STK38: variants seen among roughly 807,000 people sequenced by gnomAD.
STK38 encodes the protein serine/threonine kinase 38.
Under a neutral mutation model 59.0 loss-of-function variants are expected in STK38, and 26 were observed. The ratio of observed to expected loss-of-function variants is 0.44; its 90% CI spans 0.32 to 0.61. The LOEUF is 0.61. Ranked by LOEUF, STK38 falls within the 20% of genes least tolerant of loss-of-function variation. The probability of loss-of-function intolerance (pLI) is 0.04; values close to 1 mark genes in which losing one functional copy is unlikely to be tolerated. For missense variants in STK38, 433 were observed against 566.0 expected (o/e 0.76, Z 2.38); for synonymous variants, 175 against 176.6 (o/e 0.99, Z 0.07).
At chr6:36,502,764 T>C (rs950074524) in intron 9 of STK38, among the ~76,000 whole-genome samples, 1 of 152,240 alleles carries the variant, frequency 6.6e-6, no homozygotes, top group Non-Finnish European at 1.5e-5. Context: ...CTATGCTGAA[T>C]TTCGTGTTTT....
chr6:36,508,698 G>A lies in STK38; in HGVS notation c.670-1096C>T, dbSNP rs572442119. Among the ~76,000 whole-genome samples, 75 of 152,340 alleles carry A rather than the reference G, an allele frequency of 4.9e-4. 2 individuals are homozygous for A. In the South Asian group the frequency reaches 0.013, roughly 27 times the overall value. Reference sequence around the variant, plus strand: ...AGCCTGGCAGGCTTGTGCTACCAGCGCGGATCCCAAGCCTGCCAAGGGCAA... The same window carrying A: ...AGCCTGGCAGGCTTGTGCTACCAGCACGGATCCCAAGCCTGCCAAGGGCAA... On this transcript the variant is annotated intron_variant, in intron 7 of 13. Coordinates refer to ENST00000229812, the MANE Select transcript of STK38 (RefSeq NM_007271.4).
Position 36,514,555 on chromosome 6 carries a change from G to A in STK38, c.669+783C>T, listed in dbSNP as rs1045505673. ...CGGATAAGAACAGTGAGATCCAGGT[G>A]GTAAAGAGATTTGCCAAGGGTTATC... On this transcript the variant is annotated intron_variant, in intron 7 of 13. Transcript: ENST00000229812. Among the ~76,000 whole-genome samples, 7 of 152,256 alleles carry A rather than the reference G, an allele frequency of 4.6e-5. No individual in the cohort carries two copies. In the East Asian group the frequency reaches 1.2e-3, roughly 25 times the overall value.
chr6:36,498,512 C>A, intron 10 of STK38, 26 bp from the exon 11 acceptor site: 3 of 1,602,938 alleles, frequency 1.9e-6, no homozygotes, highest in African/African-American at 1.4e-5. Context: ...AACTTCGGAG[C>A]TTTTACACTC....
At chr6:36,506,522 A>T in intron 9 of STK38, 61 bp downstream of exon 9, 2 of 1,546,332 alleles carry the variant, frequency 1.3e-6, no homozygotes, top group Admixed American at 3.7e-5. Flanking sequence ...TTTATGTGAA[A>T]ATCTTTTGAA....
At position 36,521,813 on chromosome 6, in the gene STK38, C is replaced by T. The variant is rs1183986218; in HGVS notation, c.311G>A (p.Arg104Gln). The T allele has an allele frequency of 7.5e-6, 12 of 1,609,228 alleles. No homozygotes were observed. The highest frequency in any genetic ancestry group is 2.2e-5 in the East Asian group (1 of 44,640). The change falls in exon 5 of 14, where the codon CGG becomes CAG. Residue 104 changes from arginine (R) to glutamine (Q), a missense_variant. Physicochemically the swap from Arg to Gln is conservative, Grantham distance 43. Around this residue, in one of 3 missense-constraint regions of STK38, gnomAD observed 293 missense variants for 388.2 expected, o/e 0.75. Coordinates refer to ENST00000229812, the MANE Select transcript of STK38 (RefSeq NM_007271.4). ...TCCCGTATCTTTCTTCTGAACAAGC[C>T]GTACCTAAAAAGTTATAAAAGAAAT... Reference protein sequence around the residue: ...VIGRGAFGEVRLVQKKDTGHV... With the variant: ...VIGRGAFGEVQLVQKKDTGHV...
At chr6:36,538,830 T>C (rs1047341851) in intron 2 of STK38, among the ~76,000 whole-genome samples, 16 of 135,058 alleles carry the variant, frequency 1.2e-4, no homozygotes, top group African/African-American at 4.6e-4. Context: ...AGGCAGATGA[T>C]GCAGTGAGCC....
chr6:36,531,543 G>C (rs1176415055), intron 2 of STK38, among the ~76,000 whole-genome samples: 2 of 152,212 alleles, frequency 1.3e-5, no homozygotes, highest in Non-Finnish European at 2.9e-5. Context: ...GAGAGCTGCT[G>C]CTCCTAGAGA....
intron 13 of STK38, 145 bp from the exon 14 acceptor site, chr6:36,496,059 T>G: frequency 1.0e-6 from 1 of 986,392 alleles, no homozygotes; most frequent in South Asian, 1.6e-5. Context: ...TTTTTTTTTT[T>G]TTTTGAGACA....
intron 7 of STK38, among the ~76,000 whole-genome samples, chr6:36,510,757 C>T (rs6901597): frequency 0.027 from 4,149 of 152,328 alleles, 198 homozygotes; most frequent in African/African-American, 0.092. Flanking sequence ...CTAAACCACA[C>T]ATCACAGACT....
At chr6:36,502,607 A>C (rs1160439986) in intron 9 of STK38, among the ~76,000 whole-genome samples, 3 of 152,186 alleles carry the variant, frequency 2.0e-5, no homozygotes, top group Non-Finnish European at 4.4e-5. Flanking sequence ...TGTCACATAC[A>C]TACATCTGTT....
At chr6:36,511,813 C>T (rs368181547) in intron 7 of STK38, among the ~76,000 whole-genome samples, 2 of 151,498 alleles carry the variant, frequency 1.3e-5, no homozygotes, top group East Asian at 2.0e-4. Context: ...AATCCCAACA[C>T]TTTGGGAGGC....
rs182284351 is a variant in STK38, at chr6:36,519,722, G to A, written c.391-1882C>T. ...CTATTCCATAAATATTTAATAAGGT[G>A]GGGGGTGCTAGTTGCTATCCTGTGC... On this transcript the variant is annotated intron_variant, in intron 5 of 13. Coordinates refer to ENST00000229812, the MANE Select transcript of STK38 (RefSeq NM_007271.4). 1.1e-4 allele frequency among the ~76,000 whole-genome samples: 16 copies of A among 152,258 alleles called. 1 individual carries two copies. The East Asian group carries it at 2.9e-3, about 28-fold the overall frequency.
chr6:36,507,621 G>A lies in STK38; in HGVS notation c.670-19C>T. ...CATGGCCCTATGGGGAAGAAACAAG[G>A]TGATAGATGGATGAGTATTCTTGGA... On this transcript the variant is annotated intron_variant, in intron 7 of 13. Transcript: ENST00000229812. 6.4e-7 allele frequency: 1 copy of A among 1,570,988 alleles called. No homozygotes were observed. Among genetic ancestry groups the A allele is most frequent in the Non-Finnish European group, 8.8e-7 (1 of 1,140,976 alleles).
chr6:36,539,772 TAC>T (rs1777887263), intron 2 of STK38, among the ~76,000 whole-genome samples: 1 of 137,612 alleles, frequency 7.3e-6, no homozygotes, highest in African/African-American at 2.7e-5. Flanking sequence ...TTTTTTAAGA[TAC>T]AGAGTCTCAG....
chr6:36,527,347 A>G (rs1777555498), intron 2 of STK38, among the ~76,000 whole-genome samples: 1 of 143,434 alleles, frequency 7.0e-6, no homozygotes, highest in African/African-American at 2.7e-5. Flanking sequence ...CATATATGTA[A>G]TATATGTATA....
intron 2 of STK38, among the ~76,000 whole-genome samples, chr6:36,529,802 C>T (rs1181999701): frequency 6.6e-6 from 1 of 152,160 alleles, no homozygotes; most frequent in African/African-American, 2.4e-5. Context: ...TTACAATTAG[C>T]CCCCTTTTCT....
chr6:36,524,432 T>A lies in STK38; in HGVS notation c.215A>T (p.Lys72Met). The A allele has an allele frequency of 6.2e-7, 1 of 1,612,458 alleles. No homozygotes were observed. Among genetic ancestry groups the A allele is most frequent in the Non-Finnish European group, 8.5e-7 (1 of 1,179,548 alleles). ...KRLRRSAHAR[K>M]ETEFLRLKRT... ...CTTCAAACGAAGAAACTCTGTTTCC[T>A]TCCGAGCATGTGCTGATCTCCGGAG... The change falls in exon 4 of 14, where the codon AAG (lysine) becomes ATG (methionine). Residue 72 changes from lysine to methionine, a missense_variant. Lys to Met is a moderately conservative substitution (Grantham distance 95). This residue lies in a region of STK38 where 293 missense variants were observed against 388.2 expected (regional missense o/e 0.75). Coordinates refer to ENST00000229812, the MANE Select transcript of STK38 (RefSeq NM_007271.4).
chr6:36,510,149 A>G (rs10947609), intron 7 of STK38, among the ~76,000 whole-genome samples: 59,833 of 152,038 alleles, frequency 0.39, 13,131 homozygotes, highest in African/African-American at 0.56. Context: ...TGCCTCTTAT[A>G]GCCATCAATC....
chr6:36,542,600 C>T (rs1279663153), intron 1 of STK38, among the ~76,000 whole-genome samples: 4 of 150,512 alleles, frequency 2.7e-5, no homozygotes, highest in African/African-American at 7.3e-5. Flanking sequence ...GCCGAGATAG[C>T]GCCACTGCAC....
Sources: gnomAD v4.1 joint callset for allele counts (sites outside exome capture counted in the v4.1 genomes callset) on GRCh38, gnomAD v4.1.1 for gene constraint, gnomAD v4.1.1 regional missense constraint, MANE v1.5 for transcripts, NCBI Gene and HGNC (gene_info 2026-07-23, HGNC 2026-07-21) for gene names.